The following SPTB variants were observed in gnomAD, a reference collection of about 807,000 sequenced individuals.
SPTB encodes the protein spectrin beta, erythrocytic, also known as spectrin beta chain, erythrocytic.
In SPTB, 45 loss-of-function variants were observed where a neutral mutation model predicts 256.2. The ratio of observed to expected loss-of-function variants is 0.18; its 90% CI spans 0.14 to 0.23. SPTB has a LOEUF of 0.23. SPTB is among the 10% of genes least tolerant of loss of function. The pLI, the probability that SPTB is intolerant of heterozygous loss-of-function variation, is 1.00. For missense variants in SPTB, 2,715 were observed against 3,040.4 expected (o/e 0.89, Z 2.52); for synonymous variants, 1,231 against 1,243.1 (o/e 0.99, Z 0.21).
At chr14:64,856,673 G>A (rs1190308480) in intron 1 of SPTB, among the ~76,000 whole-genome samples, 1 of 152,252 alleles carries the variant, frequency 6.6e-6, no homozygotes, top group African/African-American at 2.4e-5. Context: ...ACGCCTCCCA[G>A]GCAGAACGTA....
Position 64,874,450 on chromosome 14 carries a change from T to C in SPTB, c.-52+5342A>G, listed in dbSNP as rs544616539. ...CGTGGTAGACACCCAATGTCTGCTC[T>C]TTTTGAATACACCTCAATTCTCTCT... On this transcript the variant is annotated intron_variant, in intron 1 of 35. Transcript: ENST00000644917. Among the ~76,000 whole-genome samples, 3 of 152,372 alleles carry C rather than the reference T, an allele frequency of 2.0e-5. No individual in the cohort carries two copies. In the East Asian group the frequency reaches 5.8e-4, roughly 29 times the overall value.
At position 64,769,046 on chromosome 14, in the gene SPTB, G is replaced by A. The variant is rs144839610; in HGVS notation, c.6010C>T (p.Arg2004Trp). ...GGGCTGTACTCACACATGCGGAGCC[G>A]CTCCCAGCGGGCTTCCCACTTCTCA... Reference protein sequence around the residue: ...MNEKWEARWERLRMLLEVCQF... With the variant: ...MNEKWEARWEWLRMLLEVCQF... The change falls in exon 29 of 36, where the codon CGG becomes TGG. Residue 2004 changes from arginine (R) to tryptophan (W), a missense_variant. Arg to Trp is a moderately radical substitution (Grantham distance 101, BLOSUM62 -3). This residue lies in a region of SPTB where 2,239 missense variants were observed against 2,384.4 expected (regional missense o/e 0.94). Transcript: ENST00000644917. 1.7e-5 allele frequency: 28 copies of A among 1,612,964 alleles called. No homozygotes were observed. The highest frequency in any genetic ancestry group is 8.0e-5 in the African/African-American group (6 of 74,932).
rs1015988017 is a variant in SPTB, at chr14:64,747,858, T to C, written c.*1448A>G. ...TCTCTTGGACCTAACCCTAGTTTGA[T>C]ACTGGGCCAGAACTGTGTTGCTTTC... On this transcript the variant is annotated 3_prime_UTR_variant, in exon 36 of 36. Transcript: ENST00000644917. The C allele has an allele frequency of 2.2e-5, 3 of 133,744 alleles. No individual in the cohort carries two copies. Among genetic ancestry groups the C allele is most frequent in the African/African-American group, 8.3e-5 (3 of 36,002 alleles). 8.3% of individuals were successfully genotyped at this position (133,744 alleles called of 1,614,324 possible).
chr14:64,762,684 A>T (rs1171482455), intron 32 of SPTB, among the ~76,000 whole-genome samples: 2 of 152,232 alleles, frequency 1.3e-5, no homozygotes, highest in Admixed American at 1.3e-4. Context: ...CTGCACAGGC[A>T]GTGCTGGAAG....
chr14:64,768,219 C>T (rs12889768), intron 29 of SPTB: 15,686 of 358,554 alleles, frequency 0.044, 525 homozygotes, highest in African/African-American at 0.11. Context: ...TTTTTTCTGT[C>T]GTTGTAGATA....
At chr14:64,784,194 AG>A in intron 19 of SPTB, 52 bp downstream of exon 19, 2 of 1,612,332 alleles carry the variant, frequency 1.2e-6, no homozygotes, top group South Asian at 2.2e-5. Flanking sequence ...AAGCCCATCC[AG>A]GCAAGCCTAT....
intron 26 of SPTB, 97 bp from the exon 27 acceptor site, chr14:64,771,226 C>G: frequency 7.6e-6 from 12 of 1,573,102 alleles, no homozygotes; most frequent in Non-Finnish European, 9.5e-6. Context: ...CCTGGCCTCC[C>G]TGCCCAGGGC....
In SPTB at chr14:64,773,292, C is replaced by A. The variant is rs1227791764; in HGVS notation, c.5106G>T (p.Leu1702=). 1.2e-6 allele frequency: 2 copies of A among 1,614,076 alleles called. No homozygotes were observed. Among genetic ancestry groups the A allele is most frequent in the Non-Finnish European group, 1.7e-6 (2 of 1,180,042 alleles). Residue 1702 remains leucine (L), a synonymous_variant, in exon 25 of 36, where the codon CTG becomes CTT. Transcript: ENST00000644917. ...GCTCCTTTTCTGAAATCCACTGCTC[C>A]AGGTCGTCGGTCTCCCGCTTGAGCT... ...LFQLKRETDD[L]EQWISEKELV...
At position 64,802,699 on chromosome 14, in the gene SPTB, C is replaced by T. The variant is rs116025748; in HGVS notation, c.475-382G>A. On this transcript the variant is annotated intron_variant, in intron 4 of 35. Coordinates refer to ENST00000644917, the MANE Select transcript of SPTB (RefSeq NM_001355436.2). This position sits in a 1 kb window ranked among gnomAD's most constrained non-coding sequence, Gnocchi z 5.1. ...GGACACACAGAGGTAAAACAAATTTCTTGCCCTCAAGGAGTAGCCGCCAGC... is the reference window on the plus strand; with the variant it reads ...GGACACACAGAGGTAAAACAAATTTTTTGCCCTCAAGGAGTAGCCGCCAGC... Among the ~76,000 whole-genome samples the T allele has an allele frequency of 0.017, 2,594 of 152,292 alleles. 88 individuals carry two copies. The highest frequency in any genetic ancestry group is 0.06 in the African/African-American group (2,478 of 41,556).
At position 64,772,664 on chromosome 14, in the gene SPTB, G is replaced by A. The variant is rs374916785; in HGVS notation, c.5469C>T (p.Asp1823=). The change falls in exon 26 of 36, where the codon GAC becomes GAT. Residue 1823 remains aspartate (D), a synonymous_variant. Transcript: ENST00000644917. This position sits in a 1 kb window ranked among gnomAD's most constrained non-coding sequence, Gnocchi z 5.4. ...IDEKHRELPE[D]VGLDASTAES... The stretch of plus-strand genomic sequence containing the variant: ...CGGCCGTGCTGGCGTCCAGCCCCAC[G>A]TCCTCGGGCAGCTCGCGGTGCTTCT... 26 of 1,613,390 alleles carry A rather than the reference G, an allele frequency of 1.6e-5. No individual in the cohort carries two copies. The highest frequency in any genetic ancestry group is 1.9e-5 in the Non-Finnish European group (23 of 1,179,830).
intron 2 of SPTB, among the ~76,000 whole-genome samples, chr14:64,820,106 C>T (rs1023345509): frequency 6.6e-6 from 1 of 152,130 alleles, no homozygotes; most frequent in Admixed American, 6.5e-5. Context: ...CCACATATAC[C>T]TATGAAGTAG....
chr14:64,824,700 TCTGACACA>T lies in SPTB; in HGVS notation c.-51-1563_-51-1556del, dbSNP rs201225636. On this transcript the variant is annotated intron_variant, in intron 1 of 35. Transcript: ENST00000644917. This position sits in a 1 kb window ranked among gnomAD's most constrained non-coding sequence, Gnocchi z 5.7. ...CCCACGGCACACACACAGGCTCATATCTGACACACTGACACACACCAGCACACACATGC... is the reference window on the plus strand; with the variant it reads ...CCCACGGCACACACACAGGCTCATATCTGACACACACCAGCACACACATGC... Among the ~76,000 whole-genome samples, 1,769 of 152,180 alleles carry T rather than the reference TCTGACACA, an allele frequency of 0.012. 33 individuals carry two copies. Among genetic ancestry groups the T allele is most frequent in the African/African-American group, 0.04 (1,674 of 41,520 alleles).
chr14:64,830,334 CTTATTATTATTATTATTATTATTA>C (rs143669491), intron 1 of SPTB, among the ~76,000 whole-genome samples: 18 of 138,580 alleles, frequency 1.3e-4, no homozygotes, highest in East Asian at 6.3e-4. Flanking sequence ...ACTCTGGAGT[CTTATTATTATTATTATTATTATTA>C]TTATTATTAT....
chr14:64,847,380 T>A lies in SPTB; in HGVS notation c.-51-24235A>T, dbSNP rs903197938. ...CCAAGTGTCGTATCATGTCTCAGGC[T>A]AAGAGGACCCCGATGTGGGCATCTA... On this transcript the variant is annotated intron_variant, in intron 1 of 35. Transcript: ENST00000644917. This position sits in a 1 kb window ranked among gnomAD's most constrained non-coding sequence, Gnocchi z 5.9. 8.4e-4 allele frequency among the ~76,000 whole-genome samples: 128 copies of A among 152,248 alleles called. No homozygotes were observed. Among genetic ancestry groups the A allele is most frequent in the African/African-American group, 2.7e-3 (114 of 41,536 alleles).
Position 64,749,176 on chromosome 14 carries a change from G to T in SPTB, c.*130C>A. 8.7e-7 allele frequency: 1 copy of T among 1,144,376 alleles called. No homozygotes were observed. 70.9% of individuals were successfully genotyped at this position (1,144,376 alleles called of 1,614,324 possible). ...AAGGCAGCTTTTGCAGTGCAGCGTG[G>T]GGCCCGGGGGCCCGGCCCGCGACTC... On this transcript the variant is annotated 3_prime_UTR_variant, in exon 36 of 36. Transcript: ENST00000644917. The surrounding 1 kb of genome is among the most constrained non-coding windows in gnomAD (Gnocchi z 4.7).
chr14:64,879,805 G>T lies in SPTB; in HGVS notation c.-65C>A. The T allele has an allele frequency of 6.5e-6, 1 of 153,200 alleles. No individual in the cohort carries two copies. The highest frequency in any genetic ancestry group is 1.9e-4 in the South Asian group (1 of 5,372). The allele number at this position is 153,200 out of a possible 1,614,324, so 9.5% of individuals were successfully genotyped here. A position where few individuals can be genotyped will look rare whatever the true frequency, so the allele number is the denominator to read the frequency against. The stretch of plus-strand genomic sequence containing the variant: ...CCTGGGACTCACCTGCCCTGGGACT[G>T]AAGCGGGGGCCACCCCGAGCCCGGG... On this transcript the variant is annotated 5_prime_UTR_variant, in exon 1 of 36. Coordinates refer to ENST00000644917, the MANE Select transcript of SPTB (RefSeq NM_001355436.2).
At chr14:64,854,667 G>A (rs1414913763) in intron 1 of SPTB, among the ~76,000 whole-genome samples, 1 of 152,034 alleles carries the variant, frequency 6.6e-6, no homozygotes, top group Non-Finnish European at 1.5e-5. Flanking sequence ...TCAGCTAGTC[G>A]TGTAGGATTT....
chr14:64,878,631 C>T lies in SPTB; in HGVS notation c.-52+1161G>A, dbSNP rs567791556. ...TTGCAGACTCCTCTCATTAGGGAGCCGCCTGAATCTCTTCCCTTAGAAACT... is the reference window on the plus strand; with the variant it reads ...TTGCAGACTCCTCTCATTAGGGAGCTGCCTGAATCTCTTCCCTTAGAAACT... On this transcript the variant is annotated intron_variant, in intron 1 of 35. Coordinates refer to ENST00000644917, the MANE Select transcript of SPTB (RefSeq NM_001355436.2). 3.7e-4 allele frequency among the ~76,000 whole-genome samples: 56 copies of T among 152,186 alleles called. No homozygotes were observed. In the Middle Eastern group the frequency reaches 0.01, roughly 28 times the overall value.
At chr14:64,835,135 G>A (rs112074820) in intron 1 of SPTB, among the ~76,000 whole-genome samples, 10 of 152,260 alleles carry the variant, frequency 6.6e-5, no homozygotes, top group African/African-American at 2.4e-4. Flanking sequence ...ATCCCTGGCC[G>A]GCATGCCTAG....
Sources: gnomAD v4.1 joint callset for allele counts (sites outside exome capture counted in the v4.1 genomes callset) on GRCh38, gnomAD v4.1.1 for gene constraint, gnomAD v4.1.1 regional missense constraint, Gnocchi (gnomAD v3.1) non-coding constraint, MANE v1.5 for transcripts, NCBI Gene and HGNC (gene_info 2026-07-23, HGNC 2026-07-21) for gene names.